The following PARD3 variants were observed in gnomAD, a reference collection of about 807,000 sequenced individuals.
PARD3 encodes par-3 family cell polarity regulator.
A neutral mutation model predicts 155.4 loss-of-function variants in PARD3; 75 were observed. The observed-to-expected ratio is 0.48, with a 90% CI of 0.40 to 0.58. The LOEUF (loss-of-function observed/expected upper bound fraction) is 0.58, where lower values mean the gene tolerates loss of function less well. Ranked by LOEUF, PARD3 falls within the 20% of genes least tolerant of loss-of-function variation. PARD3 has a pLI of 0.00. For synonymous variants in PARD3, 576 were observed against 610.5 expected (o/e 0.94, Z 0.83); for missense variants, 1,642 against 1,721.7 (o/e 0.95, Z 0.82).
chr10:34,387,387 T>C (rs369493826), intron 7 of PARD3, among the ~76,000 whole-genome samples: 1 of 152,158 alleles, frequency 6.6e-6, no homozygotes. Context: ...TTATGACAAC[T>C]TAAAACAGTG....
chr10:34,427,013 C>T (rs1427241062), intron 5 of PARD3, among the ~76,000 whole-genome samples: 1 of 152,150 alleles, frequency 6.6e-6, no homozygotes, highest in Non-Finnish European at 1.5e-5. Flanking sequence ...CTATGCCTGA[C>T]TTTACTTTAA....
At chr10:34,183,400 G>C (rs1950350780) in intron 22 of PARD3, among the ~76,000 whole-genome samples, 1 of 152,176 alleles carries the variant, frequency 6.6e-6, no homozygotes, top group East Asian at 1.9e-4. Flanking sequence ...AGGACTTCTT[G>C]ATAAGGGTTT....
intron 2 of PARD3, among the ~76,000 whole-genome samples, chr10:34,563,824 G>A (rs983722065): frequency 5.9e-5 from 9 of 151,998 alleles, no homozygotes; most frequent in African/African-American, 1.7e-4. Flanking sequence ...ATACCACACC[G>A]AATCCATGTA....
chr10:34,111,862 G>C (rs1946401181), intron 24 of PARD3, among the ~76,000 whole-genome samples: 1 of 152,066 alleles, frequency 6.6e-6, no homozygotes, highest in African/African-American at 2.4e-5. Context: ...TTCTGCTTAG[G>C]GTACCAATAT....
intron 3 of PARD3, among the ~76,000 whole-genome samples, chr10:34,514,958 A>C (rs901412382): frequency 6.6e-6 from 1 of 152,248 alleles, no homozygotes; most frequent in Admixed American, 6.5e-5. Flanking sequence ...ACGGTAACAC[A>C]ACAGAAAGTT....
rs560241638 is a variant in PARD3 at position 34,140,588 on chromosome 10, A to G, written c.3420-9005T>C. ...GACTGTGGCTATTCACTATGGCTCT[A>G]TCTCTCAGGCTGGAAGACTTATGAG... On this transcript the variant is annotated intron_variant, in intron 22 of 24. Coordinates refer to ENST00000374788, the MANE Select transcript of PARD3 (RefSeq NM_001184785.2). 6.9e-4 allele frequency among the ~76,000 whole-genome samples: 105 copies of G among 152,332 alleles called. 1 individual carries two copies. Among genetic ancestry groups the G allele is most frequent in the African/African-American group, 2.3e-3 (96 of 41,588 alleles).
intron 23 of PARD3, among the ~76,000 whole-genome samples, chr10:34,126,005 A>G (rs1947269582): frequency 6.6e-6 from 1 of 152,224 alleles, no homozygotes; most frequent in Admixed American, 6.5e-5. Flanking sequence ...TCCTGTCCAT[A>G]TCGAAGCTCT....
chr10:34,499,377 G>A (rs1310372184), intron 3 of PARD3, among the ~76,000 whole-genome samples: 2 of 152,156 alleles, frequency 1.3e-5, no homozygotes, highest in Non-Finnish European at 2.9e-5. Flanking sequence ...TTTCTACGAT[G>A]ATAGACTATT....
intron 22 of PARD3, among the ~76,000 whole-genome samples, chr10:34,253,957 TGAG>T (rs749293411): frequency 1.9e-4 from 29 of 152,122 alleles, no homozygotes; most frequent in Non-Finnish European, 3.1e-4. Context: ...GGCTGGATGA[TGAG>T]AAGTTACTCG....
intron 5 of PARD3, among the ~76,000 whole-genome samples, chr10:34,447,753 C>T (rs1030133654): frequency 4.7e-5 from 7 of 150,364 alleles, no homozygotes; most frequent in Non-Finnish European, 8.8e-5. Context: ...TGTGGTGAAC[C>T]GAGATCGCAC....
intron 2 of PARD3, among the ~76,000 whole-genome samples, chr10:34,551,400 T>C (rs1037427723): frequency 2.6e-5 from 4 of 152,162 alleles, no homozygotes; most frequent in African/African-American, 9.7e-5. Flanking sequence ...GTCACTTCTT[T>C]ACCCACTGAG....
chr10:34,140,601 G>A (rs1415890809), intron 22 of PARD3, among the ~76,000 whole-genome samples: 1 of 152,214 alleles, frequency 6.6e-6, no homozygotes, highest in Non-Finnish European at 1.5e-5. Flanking sequence ...TCTCAGGCTG[G>A]AAGACTTATG....
chr10:34,318,598 A>G (rs2134140297), intron 19 of PARD3, among the ~76,000 whole-genome samples: 1 of 152,262 alleles, frequency 6.6e-6, no homozygotes, highest in South Asian at 2.1e-4. Context: ...GTATAATAAG[A>G]CCAGCTAAAA....
chr10:34,784,095 C>T lies in PARD3; in HGVS notation c.120+30781G>A, dbSNP rs548354170. Among the ~76,000 whole-genome samples the T allele has an allele frequency of 4.6e-5, 7 of 152,176 alleles. No individual in the cohort carries two copies. In the East Asian group the frequency reaches 1.2e-3, roughly 25 times the overall value. ...GCATGGTGATACACGCCTGTAGTCC[C>T]GGCTACTTGGGAGGCTGAGGCAGGA... is the stretch of plus-strand genomic sequence containing the variant. On this transcript the variant is annotated intron_variant, in intron 1 of 24. Coordinates refer to ENST00000374788, the MANE Select transcript of PARD3 (RefSeq NM_001184785.2).
chr10:34,443,340 C>G (rs903346732), intron 5 of PARD3, among the ~76,000 whole-genome samples: 1 of 152,260 alleles, frequency 6.6e-6, no homozygotes. Flanking sequence ...TAGAAACTTA[C>G]CTTCTCAAAT....
intron 14 of PARD3, among the ~76,000 whole-genome samples, chr10:34,358,735 T>C (rs1468108082): frequency 1.3e-5 from 2 of 152,184 alleles, no homozygotes; most frequent in Non-Finnish European, 2.9e-5. Context: ...TGTTCCCTAC[T>C]AGGGGCTTTG....
chr10:34,696,031 A>G (rs2477009), intron 2 of PARD3, among the ~76,000 whole-genome samples: 92,456 of 152,080 alleles, frequency 0.61, 29,039 homozygotes, highest in Non-Finnish European at 0.67. Context: ...AAATTAAGGC[A>G]GAATATGGCA....
chr10:34,507,603 T>C (rs1420095370), intron 3 of PARD3, among the ~76,000 whole-genome samples: 3 of 143,658 alleles, frequency 2.1e-5, no homozygotes, highest in African/African-American at 8.0e-5. Flanking sequence ...ACCAAAGATA[T>C]AAAACAAAAT....
chr10:34,497,869 AAC>A (rs1275086168), intron 3 of PARD3, among the ~76,000 whole-genome samples: 3 of 152,294 alleles, frequency 2.0e-5, no homozygotes, highest in African/African-American at 7.2e-5. Context: ...AAAAAGATGA[AAC>A]ACAATTAATT....
Sources: allele counts gnomAD v4.1 joint callset (sites outside exome capture counted in the v4.1 genomes callset), GRCh38; gene constraint gnomAD v4.1.1; transcripts MANE v1.5; gene names NCBI Gene and HGNC (gene_info 2026-07-23, HGNC 2026-07-21).